Variants in USP12 observed in about 807,000 individuals in gnomAD.
USP12 encodes the protein ubiquitin carboxyl-terminal hydrolase 12.
In USP12, 19 loss-of-function variants were observed where a neutral mutation model predicts 45.5. That is an observed-to-expected ratio of 0.42 (90% confidence interval 0.29 to 0.61). The LOEUF is 0.61. USP12 is among the 20% of genes least tolerant of loss of function. USP12 has a pLI of 0.22. For missense variants in USP12, 242 were observed against 447.7 expected (o/e 0.54, Z 4.15); for synonymous variants, 149 against 148.8 (o/e 1.00, Z -0.01).
intron 1 of USP12, chr13:27,169,283 C>G (rs1183439902): frequency 6.6e-6 from 1 of 152,086 alleles, no homozygotes; most frequent in Non-Finnish European, 1.5e-5. Flanking sequence ...AAGTAAGGCT[C>G]CCTGCTTAAG....
intron 1 of USP12, among the ~76,000 whole-genome samples, chr13:27,118,660 A>G (rs527415698): frequency 3.9e-5 from 6 of 152,298 alleles, no homozygotes; most frequent in Admixed American, 1.3e-4. Context: ...TCAAATGAGT[A>G]TAATCCTTTC....
intron 6 of USP12, among the ~76,000 whole-genome samples, chr13:27,086,282 T>C: frequency 7.3e-6 from 1 of 137,412 alleles, no homozygotes; most frequent in African/African-American, 2.7e-5. Context: ...TATATATAAT[T>C]ACACACACAC....
intron 1 of USP12, among the ~76,000 whole-genome samples, chr13:27,130,040 A>G (rs1876420601): frequency 6.6e-6 from 1 of 152,172 alleles, no homozygotes; most frequent in Admixed American, 6.5e-5. Context: ...GCAGTAGTTG[A>G]TGAAGGGAGA....
chr13:27,084,201 C>T lies in USP12; in HGVS notation c.734+5682G>A, dbSNP rs1239877259. 5.3e-5 allele frequency among the ~76,000 whole-genome samples: 8 copies of T among 151,614 alleles called. 1 individual carries two copies. In the South Asian group the frequency reaches 1.7e-3, roughly 32 times the overall value. On this transcript the variant is annotated intron_variant, in intron 6 of 8. Coordinates refer to ENST00000282344, the MANE Select transcript of USP12 (RefSeq NM_182488.4). ...ACACACACACACACACACACACACA[C>T]ACACACACACACACACAAATTCCTG... is the stretch of plus-strand genomic sequence containing the variant.
Position 27,066,964 on chromosome 13 carries a change from T to C in USP12, c.*2319A>G, listed in dbSNP as rs1436884605. 1 of 152,122 alleles carries C rather than the reference T, an allele frequency of 6.6e-6. No individual in the cohort carries two copies. Among genetic ancestry groups the C allele is most frequent in the African/African-American group, 2.4e-5 (1 of 41,424 alleles). 9.4% of individuals were successfully genotyped at this position (152,122 alleles called of 1,614,324 possible). On this transcript the variant is annotated 3_prime_UTR_variant, in exon 9 of 9. Transcript: ENST00000282344. ...AACATTTTACTTAGATCCAGCTGCA[T>C]TAAGAAGAAAAAGTAAATGTAAAAC...
chr13:27,162,163 A>C (rs1878140675), intron 1 of USP12, among the ~76,000 whole-genome samples: 1 of 152,218 alleles, frequency 6.6e-6, no homozygotes, highest in Admixed American at 6.5e-5. Flanking sequence ...ATGTATTTAT[A>C]GTACAAAGGA....
chr13:27,156,627 G>T (rs758015543), intron 1 of USP12, among the ~76,000 whole-genome samples: 1 of 152,180 alleles, frequency 6.6e-6, no homozygotes, highest in Non-Finnish European at 1.5e-5. Context: ...AGACCAGCCT[G>T]GCCAACATGG....
chr13:27,164,128 T>A (rs1593218525), intron 1 of USP12, among the ~76,000 whole-genome samples: 2 of 150,874 alleles, frequency 1.3e-5, no homozygotes, highest in Middle Eastern at 3.5e-3. Context: ...AGAGGCTTAG[T>A]AGGTCACTAA....
chr13:27,079,422 A>G (rs979444848), intron 6 of USP12, among the ~76,000 whole-genome samples: 1 of 152,148 alleles, frequency 6.6e-6, no homozygotes, highest in Non-Finnish European at 1.5e-5. Context: ...AATTTGAACC[A>G]AACTCCAGAA....
chr13:27,157,277 T>C (rs1877883876), intron 1 of USP12, among the ~76,000 whole-genome samples: 1 of 152,192 alleles, frequency 6.6e-6, no homozygotes, highest in Non-Finnish European at 1.5e-5. Flanking sequence ...AAGTTTTACA[T>C]ACATTAAGCT....
At chr13:27,124,805 C>T (rs1215977545) in intron 1 of USP12, among the ~76,000 whole-genome samples, 2 of 152,036 alleles carry the variant, frequency 1.3e-5, no homozygotes, top group African/African-American at 4.8e-5. Flanking sequence ...TGAGAAAGGG[C>T]GAAGAGTCAA....
At chr13:27,072,369 C>G (rs1873286408) in intron 7 of USP12, among the ~76,000 whole-genome samples, 1 of 151,994 alleles carries the variant, frequency 6.6e-6, no homozygotes, top group Non-Finnish European at 1.5e-5. Context: ...TTTCCTTTGG[C>G]AAAGAACTAG....
intron 1 of USP12, among the ~76,000 whole-genome samples, chr13:27,148,813 C>CACACACACACACACACACACACACA (rs1237028314): frequency 6.6e-6 from 1 of 150,792 alleles, no homozygotes; most frequent in African/African-American, 2.4e-5. Flanking sequence ...CACACACACA[C>CACACACACACACACACACACACACA]AAAAATCAGG....
chr13:27,170,420 T>G (rs1878537063), intron 1 of USP12: 1 of 398,196 alleles, frequency 2.5e-6, no homozygotes, highest in African/African-American at 2.1e-5. Context: ...ATAGGGCCAG[T>G]GAGGCATGAA....
At chr13:27,137,589 C>T (rs936166552) in intron 1 of USP12, among the ~76,000 whole-genome samples, 3 of 152,156 alleles carry the variant, frequency 2.0e-5, no homozygotes, top group Admixed American at 6.5e-5. Context: ...AGATACCACA[C>T]TGATTAAACC....
intron 1 of USP12, among the ~76,000 whole-genome samples, chr13:27,154,826 G>A (rs1416417914): frequency 1.3e-5 from 2 of 152,180 alleles, no homozygotes; most frequent in East Asian, 3.9e-4. Flanking sequence ...ACAAGGGTCT[G>A]GTAAGTGAAA....
At chr13:27,153,961 A>G (rs1179859683) in intron 1 of USP12, among the ~76,000 whole-genome samples, 1 of 152,244 alleles carries the variant, frequency 6.6e-6, no homozygotes, top group African/African-American at 2.4e-5. Flanking sequence ...CAGTCGTTTA[A>G]TAACTGCAAA....
chr13:27,146,313 A>C (rs1877305261), intron 1 of USP12, among the ~76,000 whole-genome samples: 2 of 152,050 alleles, frequency 1.3e-5, no homozygotes. Context: ...GAGGCAGGAG[A>C]ATTACTTGAA....
chr13:27,105,714 G>T lies in USP12; in HGVS notation c.343+17C>A, dbSNP rs555230005. 1.2e-6 allele frequency: 2 copies of T among 1,607,518 alleles called. No individual in the cohort carries two copies. The highest frequency in any genetic ancestry group is 1.7e-6 in the Non-Finnish European group (2 of 1,174,898). On this transcript the variant is annotated intron_variant, in intron 3 of 8. Coordinates refer to ENST00000282344, the MANE Select transcript of USP12 (RefSeq NM_182488.4). Reference sequence around the variant, plus strand: ...ACCTTCCTAGTATGTCATTAATACAGTGGGAAGTAGAATTACCATTTTCTT... The same window carrying T: ...ACCTTCCTAGTATGTCATTAATACATTGGGAAGTAGAATTACCATTTTCTT...
Sources: allele counts gnomAD v4.1 joint callset (sites outside exome capture counted in the v4.1 genomes callset), GRCh38; gene constraint gnomAD v4.1.1; transcripts MANE v1.5; gene names NCBI Gene and HGNC (gene_info 2026-07-23, HGNC 2026-07-21).